The following SLC2A2 variants were observed in gnomAD, a reference collection of about 807,000 sequenced individuals.
SLC2A2 encodes solute carrier family 2 member 2.
Under a neutral mutation model 54.5 loss-of-function variants are expected in SLC2A2, and 36 were observed. The observed-to-expected ratio is 0.66, with a 90% CI of 0.51 to 0.87. SLC2A2 has a LOEUF of 0.87. SLC2A2 is among the 40% of genes least tolerant of loss of function. The pLI, the probability that SLC2A2 is intolerant of heterozygous loss-of-function variation, is 0.00. For missense variants in SLC2A2, 543 were observed against 624.3 expected, an observed-to-expected ratio of 0.87 and a Z score of 1.39; for synonymous variants, 223 against 219.1, an observed-to-expected ratio of 1.02 and a Z score of -0.16.
intron 2 of SLC2A2, among the ~76,000 whole-genome samples, chr3:171,017,469 C>T (rs1003412894): frequency 2.6e-5 from 4 of 152,190 alleles, no homozygotes; most frequent in Admixed American, 6.5e-5. Context: ...CATATCCACA[C>T]CCTGCAGTAT....
Position 170,997,040 on chromosome 3 carries a change from T to A in SLC2A2, c.*863A>T. On this transcript the variant is annotated 3_prime_UTR_variant, in exon 11 of 11. Coordinates refer to ENST00000314251, the MANE Select transcript of SLC2A2 (RefSeq NM_000340.2). The stretch of plus-strand genomic sequence containing the variant: ...AATTTGAGGTAATATACCAAATGTC[T>A]GACTCATGATTGTTTGAGTGTATGT... 6.1e-6 allele frequency: 1 copy of A among 164,832 alleles called. No individual in the cohort carries two copies. Among genetic ancestry groups the A allele is most frequent in the African/African-American group, 2.4e-5 (1 of 42,072 alleles). 10.2% of individuals were successfully genotyped at this position (164,832 alleles called of 1,614,324 possible).
intron 7 of SLC2A2, among the ~76,000 whole-genome samples, chr3:171,002,976 TA>T (rs1334070238): frequency 6.6e-6 from 1 of 152,044 alleles, no homozygotes; most frequent in Non-Finnish European, 1.5e-5. Context: ...CATAGAAAAG[TA>T]CACATAAATA....
intron 1 of SLC2A2, among the ~76,000 whole-genome samples, chr3:171,022,805 T>C (rs947343173): frequency 3.3e-5 from 5 of 152,204 alleles, no homozygotes; most frequent in African/African-American, 1.2e-4. Context: ...GTTGGGGTGA[T>C]AGCGATAGCT....
chr3:170,998,229 G>A lies in SLC2A2; in HGVS notation c.1338C>T (p.Cys446=), dbSNP rs750210768. ...LAIAAFSNWT[C]NFIVALCFQY... ...GGAAACACAGAGCTACAATGAAATTGCAGGTCCAATTGCTGAATGCAGCTA... is the reference window on the plus strand; with the variant it reads ...GGAAACACAGAGCTACAATGAAATTACAGGTCCAATTGCTGAATGCAGCTA... Residue 446 remains cysteine, a synonymous_variant, in exon 10 of 11, where the codon TGC becomes TGT. Coordinates refer to ENST00000314251, the MANE Select transcript of SLC2A2 (RefSeq NM_000340.2). 6.2e-7 allele frequency: 1 copy of A among 1,613,786 alleles called. No homozygotes were observed. The highest frequency in any genetic ancestry group is 1.3e-5 in the African/African-American group (1 of 75,018).
intron 3 of SLC2A2, among the ~76,000 whole-genome samples, chr3:171,013,274 T>C (rs1318691360): frequency 6.6e-6 from 1 of 152,148 alleles, no homozygotes; most frequent in East Asian, 1.9e-4. Flanking sequence ...TTAAACCAAC[T>C]TGATACACAT....
At chr3:171,013,567 A>G (rs1015382074) in intron 3 of SLC2A2, among the ~76,000 whole-genome samples, 1 of 152,178 alleles carries the variant, frequency 6.6e-6, no homozygotes, top group African/African-American at 2.4e-5. Flanking sequence ...GCTAAAAATT[A>G]TAATTTATAA....
chr3:171,006,162 C>T, intron 5 of SLC2A2, 57 bp from the exon 6 acceptor site: 1 of 1,525,560 alleles, frequency 6.6e-7, no homozygotes, highest in Middle Eastern at 1.7e-4. Flanking sequence ...CTACCTTTTA[C>T]ACTAGTTTGT....
At chr3:171,003,695 T>G (rs1030431980) in intron 7 of SLC2A2, among the ~76,000 whole-genome samples, 8 of 151,998 alleles carry the variant, frequency 5.3e-5, no homozygotes, top group Admixed American at 1.3e-4. Context: ...TTATGAATAG[T>G]AATAATGAAT....
Position 171,005,270 on chromosome 3 carries a change from T to C in SLC2A2, c.963+15A>G, listed in dbSNP as rs774854056. ...CACTGTGCTCTTAAGAGTTAGTGGGTGTTCTTAAACTTACGCCATTGATTC... is the reference window on the plus strand; with the variant it reads ...CACTGTGCTCTTAAGAGTTAGTGGGCGTTCTTAAACTTACGCCATTGATTC... On this transcript the variant is annotated intron_variant, in intron 7 of 10. Coordinates refer to ENST00000314251, the MANE Select transcript of SLC2A2 (RefSeq NM_000340.2). 1 of 1,608,930 alleles carries C rather than the reference T, an allele frequency of 6.2e-7. No homozygotes were observed. The highest frequency in any genetic ancestry group is 1.1e-5 in the South Asian group (1 of 90,988).
rs745619267 is a variant in SLC2A2, at chr3:170,999,149, C to G, written c.1086G>C (p.Lys362Asn). 2 of 1,610,762 alleles carry G rather than the reference C, an allele frequency of 1.2e-6. No homozygotes were observed. The highest frequency in any genetic ancestry group is 1.7e-6 in the Non-Finnish European group (2 of 1,177,234). The part of the protein sequence containing the change: ...FTAVSVFLVE[K>N]AGRRSLFLIG... ...TTAGAAAGAGAGAACGTCGCCCTGC[C>G]TTCTCCACAAGGAATACCTAGGACA... Residue 362 changes from lysine to asparagine, a missense_variant, in exon 9 of 11, where the codon AAG (lysine) becomes AAC (asparagine). This residue lies in a region of SLC2A2 where 117 missense variants were observed against 179.2 expected (regional missense o/e 0.65). Coordinates refer to ENST00000314251, the MANE Select transcript of SLC2A2 (RefSeq NM_000340.2).
chr3:171,018,595 A>G lies in SLC2A2; in HGVS notation c.44T>C (p.Ile15Thr), dbSNP rs766364438. Residue 15 changes from isoleucine (I) to threonine (T), a missense_variant, in exon 2 of 11, where the codon ATC becomes ACC. Physicochemically the swap from Ile to Thr is moderately conservative, Grantham distance 89 (BLOSUM62 -1). This residue lies in a region of SLC2A2 where 318 missense variants were observed against 343.8 expected (regional missense o/e 0.93). Coordinates refer to ENST00000314251, the MANE Select transcript of SLC2A2 (RefSeq NM_000340.2). ...CTGGAAGGAACCCAGCACAGCAGTGATGACAGTGAAAACCAGGGTCCCAGT... is the reference window on the plus strand; with the variant it reads ...CTGGAAGGAACCCAGCACAGCAGTGGTGACAGTGAAAACCAGGGTCCCAGT... ...KVTGTLVFTV[I>T]TAVLGSFQFG... is the part of the protein sequence containing the mutation. The G allele has an allele frequency of 6.8e-6, 11 of 1,614,056 alleles. No individual in the cohort carries two copies. The South Asian group carries it at 1.2e-4, about 18-fold the overall frequency.
intron 4 of SLC2A2, among the ~76,000 whole-genome samples, chr3:171,008,592 ATATATT>A (rs1715722685): frequency 6.6e-6 from 1 of 152,104 alleles, no homozygotes; most frequent in Admixed American, 6.6e-5. Flanking sequence ...TTGTTTTACA[ATATATT>A]TATAGCATTT....
At chr3:171,011,211 G>C (rs1206286496) in intron 3 of SLC2A2, among the ~76,000 whole-genome samples, 1 of 152,102 alleles carries the variant, frequency 6.6e-6, no homozygotes, top group Non-Finnish European at 1.5e-5. Flanking sequence ...CCCAGACTCT[G>C]TAAATGTTAC....
chr3:170,999,122 A>C lies in SLC2A2; in HGVS notation c.1113T>G (p.Ile371Met). The C allele has an allele frequency of 6.2e-7, 1 of 1,613,004 alleles. No individual in the cohort carries two copies. Residue 371 changes from isoleucine to methionine, a missense_variant, in exon 9 of 11, where the codon ATT (isoleucine) becomes ATG (methionine). Physicochemically the swap from Ile to Met is conservative, Grantham distance 10 (BLOSUM62 1). Transcript: ENST00000314251. ...CACAAACAAACATCCCACTCATTCC[A>C]ATTAGAAAGAGAGAACGTCGCCCTG... ...EKAGRRSLFL[I>M]GMSGMFVCAI...
At chr3:171,023,895 T>G (rs2108267031) in intron 1 of SLC2A2, among the ~76,000 whole-genome samples, 1 of 152,238 alleles carries the variant, frequency 6.6e-6, no homozygotes, top group African/African-American at 2.4e-5. Context: ...CTTAATAACT[T>G]TAAGTTAGAG....
intron 4 of SLC2A2, among the ~76,000 whole-genome samples, chr3:171,008,540 A>T (rs1453321035): frequency 6.6e-6 from 1 of 152,080 alleles, no homozygotes; most frequent in African/African-American, 2.4e-5. Flanking sequence ...ATTTTAGAAG[A>T]TAGTTAGGGA....
Position 171,018,594 on chromosome 3 carries a change from G to A in SLC2A2, c.45C>T (p.Ile15=). 6.2e-7 allele frequency: 1 copy of A among 1,613,984 alleles called. No homozygotes were observed. The highest frequency in any genetic ancestry group is 8.5e-7 in the Non-Finnish European group (1 of 1,179,862). ...KVTGTLVFTV[I]TAVLGSFQFG... ...ACTGGAAGGAACCCAGCACAGCAGT[G>A]ATGACAGTGAAAACCAGGGTCCCAG... is the stretch of plus-strand genomic sequence containing the variant. The change falls in exon 2 of 11, where the codon ATC becomes ATT. Residue 15 remains isoleucine, a synonymous_variant. Transcript: ENST00000314251.
intron 1 of SLC2A2, among the ~76,000 whole-genome samples, chr3:171,023,224 C>A (rs1716542796): frequency 6.6e-6 from 1 of 152,180 alleles, no homozygotes; most frequent in Non-Finnish European, 1.5e-5. Context: ...AGATAAGGAG[C>A]AATCTCATCC....
At chr3:170,998,761 A>G (rs1715211742) in intron 9 of SLC2A2, among the ~76,000 whole-genome samples, 1 of 152,156 alleles carries the variant, frequency 6.6e-6, no homozygotes, top group Non-Finnish European at 1.5e-5. Context: ...TCACACAGGA[A>G]GCCATGTGGC....
Sources: gnomAD v4.1 joint callset for allele counts (sites outside exome capture counted in the v4.1 genomes callset) on GRCh38, gnomAD v4.1.1 for gene constraint, gnomAD v4.1.1 regional missense constraint, MANE v1.5 for transcripts, NCBI Gene and HGNC (gene_info 2026-07-23, HGNC 2026-07-21) for gene names.